CSMD1: variants seen among roughly 807,000 people sequenced by gnomAD.
CSMD1 encodes CUB and sushi domain-containing protein 1.
In CSMD1, 213 loss-of-function variants were observed where a neutral mutation model predicts 417.5. The ratio of observed to expected loss-of-function variants is 0.51; its 90% CI spans 0.46 to 0.57. The LOEUF is 0.57. Ranked by LOEUF, CSMD1 falls within the 20% of genes least tolerant of loss-of-function variation. CSMD1 has a pLI of 0.00. For synonymous variants in CSMD1, 2,862 were observed against 1,736.8 expected (o/e 1.65, Z -16.11); for missense variants, 6,923 against 4,529.7 (o/e 1.53, Z -15.17).
At chr8:3,423,488 T>G (rs1813625267) in intron 12 of CSMD1, among the ~76,000 whole-genome samples, 1 of 152,218 alleles carries the variant, frequency 6.6e-6, no homozygotes, top group African/African-American at 2.4e-5. Flanking sequence ...ATTCATCCAT[T>G]TGGTTCCCTG....
intron 10 of CSMD1, among the ~76,000 whole-genome samples, chr8:3,537,500 A>G (rs917349023): frequency 6.6e-6 from 1 of 152,218 alleles, no homozygotes; most frequent in Non-Finnish European, 1.5e-5. Context: ...AATTTAAGAC[A>G]TTGGTTCATA....
At chr8:4,113,038 T>G (rs1473839242) in intron 3 of CSMD1, among the ~76,000 whole-genome samples, 4 of 152,178 alleles carry the variant, frequency 2.6e-5, no homozygotes, top group African/African-American at 9.7e-5. Flanking sequence ...GATGGTACCA[T>G]TTAAGGTGTT....
chr8:4,353,566 A>T (rs1297717145), intron 3 of CSMD1, among the ~76,000 whole-genome samples: 1 of 152,032 alleles, frequency 6.6e-6, no homozygotes, highest in Non-Finnish European at 1.5e-5. Flanking sequence ...TAGATCACGA[A>T]TAAAGCCCAA....
chr8:4,820,366 T>G lies in CSMD1; in HGVS notation c.85+173966A>C, dbSNP rs77647449. Among the ~76,000 whole-genome samples the G allele has an allele frequency of 7.8e-3, 1,183 of 152,244 alleles. 4 individuals are homozygous for G. Among genetic ancestry groups the G allele is most frequent in the Non-Finnish European group, 0.013 (903 of 68,012 alleles). On this transcript the variant is annotated intron_variant, in intron 1 of 69. Coordinates refer to ENST00000635120, the MANE Select transcript of CSMD1 (RefSeq NM_033225.6). ...AAGGTAAGAATGACTCATATGCACT[T>G]CTATGATTTTTAAGCATTTTAATAG... is the stretch of plus-strand genomic sequence containing the variant.
intron 2 of CSMD1, among the ~76,000 whole-genome samples, chr8:4,447,660 G>A (rs1299609472): frequency 6.6e-6 from 1 of 152,110 alleles, no homozygotes; most frequent in Admixed American, 6.5e-5. Context: ...AGGAAGGAAT[G>A]GTTTCCACAC....
chr8:3,839,797 G>C (rs967538436), intron 5 of CSMD1, among the ~76,000 whole-genome samples: 1 of 151,598 alleles, frequency 6.6e-6, no homozygotes, highest in Non-Finnish European at 1.5e-5. Context: ...AGAGAAGCTG[G>C]TGGCCAAACT....
chr8:3,218,040 C>G (rs1797981815), intron 29 of CSMD1, among the ~76,000 whole-genome samples: 1 of 152,020 alleles, frequency 6.6e-6, no homozygotes, highest in Non-Finnish European at 1.5e-5. Context: ...TATATTTATT[C>G]TGATGGACCC....
intron 3 of CSMD1, among the ~76,000 whole-genome samples, chr8:4,412,131 T>C (rs202193228): frequency 2.0e-5 from 3 of 152,070 alleles, no homozygotes; most frequent in African/African-American, 7.2e-5. Flanking sequence ...CCAGGGCAAA[T>C]GATTAGCTAA....
chr8:4,424,176 A>G (rs1311356132), intron 2 of CSMD1, among the ~76,000 whole-genome samples: 1 of 152,052 alleles, frequency 6.6e-6, no homozygotes, highest in Non-Finnish European at 1.5e-5. Context: ...AACCAGAAAA[A>G]GATAAGTTAA....
intron 6 of CSMD1, among the ~76,000 whole-genome samples, chr8:3,744,702 T>C (rs113645480): frequency 8.7e-4 from 132 of 152,286 alleles, no homozygotes; most frequent in African/African-American, 3.1e-3. Context: ...ACATGAAACG[T>C]TGTCTGGGCT....
At chr8:4,215,920 G>A (rs1351599721) in intron 3 of CSMD1, among the ~76,000 whole-genome samples, 3 of 152,070 alleles carry the variant, frequency 2.0e-5, no homozygotes, top group Non-Finnish European at 4.4e-5. Context: ...AAGAGAACGT[G>A]GATTCATGCA....
At chr8:4,134,595 C>T (rs1199265338) in intron 3 of CSMD1, among the ~76,000 whole-genome samples, 1 of 152,170 alleles carries the variant, frequency 6.6e-6, no homozygotes, top group African/African-American at 2.4e-5. Flanking sequence ...ATACAACTTC[C>T]AACAAACACA....
Position 3,091,923 on chromosome 8 carries a change from C to A in CSMD1, c.7139-261G>T, listed in dbSNP as rs576957976. On this transcript the variant is annotated intron_variant, in intron 47 of 69. Coordinates refer to ENST00000635120, the MANE Select transcript of CSMD1 (RefSeq NM_033225.6). The stretch of plus-strand genomic sequence containing the variant: ...TAAATAAGCCTTGTCTATAAAACAG[C>A]AGTACCCGAAAAAAATGAAAGTAAT... 8.5e-5 allele frequency among the ~76,000 whole-genome samples: 13 copies of A among 152,122 alleles called. 1 individual carries two copies. The highest frequency in any genetic ancestry group is 3.1e-4 in the African/African-American group (13 of 41,494).
chr8:4,853,086 C>T (rs1801580414), intron 1 of CSMD1, among the ~76,000 whole-genome samples: 2 of 152,102 alleles, frequency 1.3e-5, no homozygotes, highest in South Asian at 2.1e-4. Flanking sequence ...TGCAGCCTAC[C>T]CATGTGGTAG....
At chr8:4,840,513 G>A (rs1194869804) in intron 1 of CSMD1, among the ~76,000 whole-genome samples, 1 of 152,118 alleles carries the variant, frequency 6.6e-6, no homozygotes, top group Admixed American at 6.5e-5. Context: ...AAGTTATGGT[G>A]GTGAGACTTG....
At chr8:3,489,302 G>A (rs1445941960) in intron 11 of CSMD1, among the ~76,000 whole-genome samples, 1 of 152,182 alleles carries the variant, frequency 6.6e-6, no homozygotes, top group Non-Finnish European at 1.5e-5. Flanking sequence ...GTTAGGCAGA[G>A]GCTACCCTAC....
chr8:4,590,332 T>G (rs1429998417), intron 2 of CSMD1, among the ~76,000 whole-genome samples: 1 of 152,104 alleles, frequency 6.6e-6, no homozygotes, highest in Non-Finnish European at 1.5e-5. Flanking sequence ...AAAACAAAAG[T>G]CACATCCAGA....
chr8:4,007,981 G>C (rs887917963), intron 4 of CSMD1, among the ~76,000 whole-genome samples: 14 of 152,226 alleles, frequency 9.2e-5, no homozygotes, highest in African/African-American at 1.4e-4. Context: ...TTACCAAAAA[G>C]AACGATTCAT....
intron 2 of CSMD1, among the ~76,000 whole-genome samples, chr8:4,579,322 A>ATACG (rs1293043296): frequency 6.6e-6 from 1 of 151,468 alleles, no homozygotes; most frequent in East Asian, 1.9e-4. Context: ...AAGTTTAAAC[A>ATACG]TACATACATA....
Sources: allele counts gnomAD v4.1 joint callset (sites outside exome capture counted in the v4.1 genomes callset), GRCh38; gene constraint gnomAD v4.1.1; transcripts MANE v1.5; gene names NCBI Gene and HGNC (gene_info 2026-07-23, HGNC 2026-07-21).